The following CD247 variants were observed in gnomAD, a reference collection of about 807,000 sequenced individuals.
CD247 encodes the protein T-cell surface glycoprotein CD3 zeta chain.
CD247 carries 13 observed loss-of-function variants against 30.0 expected under a neutral mutation model. The observed-to-expected ratio is 0.43, with a 90% confidence interval of 0.28 to 0.69. The LOEUF (loss-of-function observed/expected upper bound fraction) is 0.69. CD247 is among the 30% of genes least tolerant of loss of function. The pLI, the probability that CD247 is intolerant of heterozygous loss-of-function variation, is 0.16. For missense variants in CD247, 193 were observed against 212.6 expected (o/e 0.91, Z 0.57); for synonymous variants, 72 against 80.0 (o/e 0.90, Z 0.53).
At chr1:167,504,823 G>A (rs1419699562) in intron 1 of CD247, among the ~76,000 whole-genome samples, 1 of 152,202 alleles carries the variant, frequency 6.6e-6, no homozygotes, top group Non-Finnish European at 1.5e-5. Flanking sequence ...AAAACCTAGC[G>A]ATCAATCTTG....
rs10918697 is a variant in CD247 at position 167,483,016 on chromosome 1, T to C, written c.58+35392A>G. Among the ~76,000 whole-genome samples the C allele has an allele frequency of 2.3e-3, 298 of 131,858 alleles. 3 individuals carry two copies. In the East Asian group the frequency reaches 0.038, roughly 17 times the overall value. 86.5% of individuals were successfully genotyped at this position (131,858 alleles called of 152,430 possible). A position where few individuals can be genotyped will look rare whatever the true frequency, so the allele number is the denominator to read the frequency against. On this transcript the variant is annotated intron_variant, in intron 1 of 7. Transcript: ENST00000362089. ...ATATTCTTTCTTTCTTTCTTTCTTT[T>C]TTTTTTTTTGAGACTGAGTTTCGCT... is the stretch of plus-strand genomic sequence containing the variant.
In CD247 at chr1:167,506,021, T is replaced by C. The variant is rs143502286; in HGVS notation, c.58+12387A>G. The stretch of plus-strand genomic sequence containing the variant: ...AAGTCCTGGGTTTAAGGGCTGAATT[T>C]GCCATTTGCTTATGACATGGCAATT... On this transcript the variant is annotated intron_variant, in intron 1 of 7. Coordinates refer to ENST00000362089, the MANE Select transcript of CD247 (RefSeq NM_198053.3). Among the ~76,000 whole-genome samples the C allele has an allele frequency of 1.6e-3, 239 of 152,362 alleles. 1 individual carries two copies. The highest frequency in any genetic ancestry group is 5.6e-3 in the African/African-American group (234 of 41,578).
chr1:167,470,884 T>C (rs1653490932), intron 1 of CD247, among the ~76,000 whole-genome samples: 1 of 149,996 alleles, frequency 6.7e-6, no homozygotes, highest in South Asian at 2.1e-4. Context: ...TTTTTTTTTT[T>C]TTTTTGAGAT....
intron 1 of CD247, among the ~76,000 whole-genome samples, chr1:167,496,902 G>T (rs1654712126): frequency 6.6e-6 from 1 of 152,174 alleles, no homozygotes; most frequent in Admixed American, 6.5e-5. Flanking sequence ...TCTTTACGGG[G>T]AGGCGGGTGA....
chr1:167,500,333 T>G (rs1654851149), intron 1 of CD247, among the ~76,000 whole-genome samples: 1 of 152,258 alleles, frequency 6.6e-6, no homozygotes, highest in African/African-American at 2.4e-5. Context: ...CAGACTCATA[T>G]TGCTCTTTAA....
chr1:167,502,251 G>A (rs1302155509), intron 1 of CD247, among the ~76,000 whole-genome samples: 1 of 152,226 alleles, frequency 6.6e-6, no homozygotes, highest in African/African-American at 2.4e-5. Flanking sequence ...TTGAGCCACG[G>A]TGTGGTGCAC....
chr1:167,486,966 T>C (rs1266065331), intron 1 of CD247, among the ~76,000 whole-genome samples: 1 of 148,156 alleles, frequency 6.7e-6, no homozygotes, highest in Admixed American at 6.8e-5. Flanking sequence ...CCCAGCTACT[T>C]GGGAGGCTGA....
chr1:167,438,444 T>TG (rs1422907701), intron 4 of CD247, 126 bp downstream of exon 4: 1 of 805,540 alleles, frequency 1.2e-6, no homozygotes, highest in Non-Finnish European at 2.2e-6. Flanking sequence ...TCTCTTCTCT[T>TG]GTCCTGGGCC....
At position 167,462,462 on chromosome 1, in the gene CD247, C is replaced by T. The variant is rs571110925; in HGVS notation, c.59-21695G>A. ...CTCTCCTCGACACAGAAGTCACAAC[C>T]CAGGTTGGGGACCTAGGCGTCTCTG... On this transcript the variant is annotated intron_variant, in intron 1 of 7. Coordinates refer to ENST00000362089, the MANE Select transcript of CD247 (RefSeq NM_198053.3). Among the ~76,000 whole-genome samples, 4 of 152,310 alleles carry T rather than the reference C, an allele frequency of 2.6e-5. No individual in the cohort carries two copies. In the South Asian group the frequency reaches 8.3e-4, roughly 32 times the overall value.
intron 1 of CD247, among the ~76,000 whole-genome samples, chr1:167,517,410 T>G (rs1655656792): frequency 6.6e-6 from 1 of 152,230 alleles, no homozygotes; most frequent in African/African-American, 2.4e-5. Flanking sequence ...AGATTGAAAT[T>G]CAGCCTGCCC....
chr1:167,433,932 A>G (rs1651401039), intron 6 of CD247, 88 bp downstream of exon 6: 4 of 1,185,436 alleles, frequency 3.4e-6, no homozygotes, highest in Non-Finnish European at 5.1e-6. Context: ...AGCTGGGATG[A>G]GAAGTGGATG....
intron 1 of CD247, among the ~76,000 whole-genome samples, chr1:167,466,870 C>T (rs1187263799): frequency 6.7e-6 from 1 of 150,054 alleles, no homozygotes; most frequent in Non-Finnish European, 1.5e-5. Flanking sequence ...GACGAAGTCT[C>T]GCTCTGTCGC....
rs868564157 is a variant in CD247 at position 167,430,924 on chromosome 1, C to T, written c.*757G>A. Reference sequence around the variant, plus strand: ...GTGAATCAACGGCCTCCTCTTGCTCCGCAGCACTTTATTCACACTGTGTAA... The same window carrying T: ...GTGAATCAACGGCCTCCTCTTGCTCTGCAGCACTTTATTCACACTGTGTAA... On this transcript the variant is annotated 3_prime_UTR_variant, in exon 8 of 8. Transcript: ENST00000362089. 8 of 398,626 alleles carry T rather than the reference C, an allele frequency of 2.0e-5. No individual in the cohort carries two copies. The highest frequency in any genetic ancestry group is 7.1e-5 in the East Asian group (2 of 28,080). 24.7% of individuals were successfully genotyped at this position (398,626 alleles called of 1,614,324 possible).
chr1:167,435,991 G>A (rs183373067), intron 4 of CD247, among the ~76,000 whole-genome samples: 142 of 152,338 alleles, frequency 9.3e-4, no homozygotes, highest in African/African-American at 3.2e-3. Flanking sequence ...ATGGACAGGC[G>A]TGACCACTGG....
At chr1:167,477,303 C>T (rs1465403000) in intron 1 of CD247, among the ~76,000 whole-genome samples, 1 of 152,224 alleles carries the variant, frequency 6.6e-6, no homozygotes, top group African/African-American at 2.4e-5. Flanking sequence ...ATGACCTTGA[C>T]AATTTTACCT....
At chr1:167,495,418 G>C (rs1245710066) in intron 1 of CD247, among the ~76,000 whole-genome samples, 1 of 152,146 alleles carries the variant, frequency 6.6e-6, no homozygotes, top group Non-Finnish European at 1.5e-5. Context: ...GGGAAGAAGA[G>C]TGTGCTCCCG....
chr1:167,506,597 C>T (rs1051178818), intron 1 of CD247, among the ~76,000 whole-genome samples: 4 of 152,012 alleles, frequency 2.6e-5, no homozygotes, highest in Admixed American at 6.6e-5. Context: ...TTGCTGTCTA[C>T]TCTTCTTATC....
At chr1:167,514,953 A>G (rs1053471925) in intron 1 of CD247, among the ~76,000 whole-genome samples, 5 of 152,220 alleles carry the variant, frequency 3.3e-5, no homozygotes, top group African/African-American at 1.2e-4. Flanking sequence ...TTTAAAGAAC[A>G]AAAGCAAAAA....
chr1:167,498,841 G>A (rs1002894901), intron 1 of CD247, among the ~76,000 whole-genome samples: 2 of 152,150 alleles, frequency 1.3e-5, no homozygotes, highest in Non-Finnish European at 2.9e-5. Flanking sequence ...GCAGATGGCG[G>A]ACACAAGAGG....
Sources: allele counts gnomAD v4.1 joint callset (sites outside exome capture counted in the v4.1 genomes callset), GRCh38; gene constraint gnomAD v4.1.1; transcripts MANE v1.5; gene names NCBI Gene and HGNC (gene_info 2026-07-23, HGNC 2026-07-21).